The following PRPF8 variants were observed in gnomAD, a reference collection of about 807,000 sequenced individuals.
The protein encoded by PRPF8 is pre-mRNA processing factor 8.
In PRPF8, 64 loss-of-function variants were observed where a neutral mutation model predicts 285.9. That is an observed-to-expected ratio of 0.22 (90% CI 0.18 to 0.28). The LOEUF is 0.28. Among genes scored for constraint, PRPF8 ranks in the 10% least tolerant of loss-of-function variants. PRPF8 has a pLI of 1.00. For missense variants in PRPF8, 1,426 were observed against 3,026.7 expected (o/e 0.47, Z 12.41); for synonymous variants, 1,325 against 1,118.2 (o/e 1.18, Z -3.69).
At chr17:1,677,406 C>T in intron 14 of PRPF8, 159 bp downstream of exon 14, 1 of 1,172,236 alleles carries the variant, frequency 8.5e-7, no homozygotes, top group Non-Finnish European at 1.2e-6. Context: ...CAGAAGGAAG[C>T]CCAAGAAATA....
rs370376159 is a variant in PRPF8, at chr17:1,661,891, T to C, written c.4022+15A>G. Reference sequence around the variant, plus strand: ...TGAGCAATAGGGTTTAGAAATACGTTGAACCAGGCTGTACCTGAGGTCGGA... The same window carrying C: ...TGAGCAATAGGGTTTAGAAATACGTCGAACCAGGCTGTACCTGAGGTCGGA... On this transcript the variant is annotated intron_variant, in intron 25 of 42. Coordinates refer to ENST00000304992, the MANE Select transcript of PRPF8 (RefSeq NM_006445.4). This position sits in a 1 kb window ranked among gnomAD's most constrained non-coding sequence, Gnocchi z 7.3. 214 of 1,614,004 alleles carry C rather than the reference T, an allele frequency of 1.3e-4. 1 individual carries two copies. The Middle Eastern group carries it at 4.1e-3, about 31-fold the overall frequency.
Position 1,676,219 on chromosome 17 carries a change from T to C in PRPF8, c.2540A>G (p.Lys847Arg). The C allele has an allele frequency of 6.2e-7, 1 of 1,613,798 alleles. No homozygotes were observed. Among genetic ancestry groups the C allele is most frequent in the East Asian group, 2.2e-5 (1 of 44,886 alleles). Reference sequence around the variant, plus strand: ...CCCTACTACTCACCTATAAGCTTCCTTGAGCCGCTCCAATGCCAAGATGAG... The same window carrying C: ...CCCTACTACTCACCTATAAGCTTCCCTGAGCCGCTCCAATGCCAAGATGAG... The part of the protein sequence containing the change: ...KLLILALERL[K>R]EAYSVKSRLN... Residue 847 changes from lysine to arginine, a missense_variant, in exon 17 of 43, where the codon AAG (lysine) becomes AGG (arginine). Physicochemically the swap from Lys to Arg is conservative, Grantham distance 26. Coordinates refer to ENST00000304992, the MANE Select transcript of PRPF8 (RefSeq NM_006445.4). This position sits in a 1 kb window ranked among gnomAD's most constrained non-coding sequence, Gnocchi z 6.3.
intron 37 of PRPF8, chr17:1,654,373 A>G (rs1249378118): frequency 2.3e-6 from 1 of 426,740 alleles, no homozygotes; most frequent in African/African-American, 2.0e-5. Flanking sequence ...CACCCTATGG[A>G]TAATTTTGGT....
chr17:1,654,232 C>T, intron 37 of PRPF8: 1 of 681,596 alleles, frequency 1.5e-6, no homozygotes, highest in Non-Finnish European at 2.6e-6. Context: ...TGTGCACCTT[C>T]CCACTGTTTA....
intron 12 of PRPF8, 48 bp downstream of exon 12, chr17:1,678,714 T>G (rs1001717258): frequency 1.7e-5 from 27 of 1,614,074 alleles, no homozygotes; most frequent in African/African-American, 2.7e-5. Flanking sequence ...AGCACAGGCT[T>G]CCTCCAGCGT....
intron 24 of PRPF8, 140 bp downstream of exon 24, chr17:1,672,941 A>G: frequency 1.2e-6 from 1 of 817,152 alleles, no homozygotes; most frequent in Non-Finnish European, 2.2e-6. Context: ...ACTATAAGCC[A>G]CTATGGCACA....
At chr17:1,660,352 G>A in intron 30 of PRPF8, 80 bp downstream of exon 30, 1 of 1,606,238 alleles carries the variant, frequency 6.2e-7, no homozygotes. Context: ...CACCTGAGCT[G>A]ACTCTGTACA....
intron 34 of PRPF8, among the ~76,000 whole-genome samples, chr17:1,657,539 G>A (rs573222279): frequency 5.3e-5 from 8 of 151,106 alleles, no homozygotes; most frequent in South Asian, 2.1e-4. Flanking sequence ...CCAGCTACTC[G>A]GGAGGCTGAG....
rs1475396268 is a variant in PRPF8 at position 1,651,328 on chromosome 17, ACAGAGTAACAGCTCAGGC to A, written c.6651-36_6651-19del. The A allele has an allele frequency of 1.3e-5, 21 of 1,613,972 alleles. No homozygotes were observed. Among genetic ancestry groups the A allele is most frequent in the Non-Finnish European group, 1.5e-5 (18 of 1,179,998 alleles). On this transcript the variant is annotated intron_variant, in intron 41 of 42. Transcript: ENST00000304992. This position sits in a 1 kb window ranked among gnomAD's most constrained non-coding sequence, Gnocchi z 5.1. ...GCGTGAAGCTGGGGGAGGAACGAGGACAGAGTAACAGCTCAGGCCACTGTTCTGGGCCCTGGCCTGCAA... is the reference window on the plus strand; with the variant it reads ...GCGTGAAGCTGGGGGAGGAACGAGGACACTGTTCTGGGCCCTGGCCTGCAA...
chr17:1,684,362 G>T, intron 2 of PRPF8, 110 bp downstream of exon 2: 2 of 1,047,470 alleles, frequency 1.9e-6, no homozygotes, highest in South Asian at 1.3e-5. Flanking sequence ...GAAATAACAA[G>T]GGAGCTGACA....
At chr17:1,680,591 T>A (rs1912860327) in intron 8 of PRPF8, 135 bp downstream of exon 8, 16 of 808,162 alleles carry the variant, frequency 2.0e-5, no homozygotes, top group Non-Finnish European at 3.4e-5. Context: ...AATTCTCATA[T>A]TCGCTTATAG....
rs746256933 is a variant in PRPF8 at position 1,680,906 on chromosome 17, ATGT to A, written c.992+20_992+22del. ...TAAACAGCAGCCTTCTCCTTTCCAA[ATGT>A]TGTGTTCCAGGTCTCTTACCAGGTG... On this transcript the variant is annotated intron_variant, in intron 7 of 42. Transcript: ENST00000304992. The A allele has an allele frequency of 6.2e-7, 1 of 1,614,148 alleles. No homozygotes were observed. The highest frequency in any genetic ancestry group is 1.7e-5 in the Admixed American group (1 of 60,002).
rs1376411717 is a variant in PRPF8, at chr17:1,659,483, T to C, written c.5012A>G (p.Tyr1671Cys). Residue 1671 changes from tyrosine (Y) to cysteine (C), a missense_variant, in exon 32 of 43, where the codon TAT becomes TGT. Transcript: ENST00000304992. The surrounding 1 kb of genome is among the most constrained non-coding windows in gnomAD (Gnocchi z 5.1). ...GTAGCGCTCAATGTCGTGGGAATCA[T>C]AGTCCCCCCAGCGCAACTGGATGTC... ...WIDIQLRWGD[Y>C]DSHDIERYAR... 2 of 1,613,958 alleles carry C rather than the reference T, an allele frequency of 1.2e-6. No homozygotes were observed. Among genetic ancestry groups the C allele is most frequent in the East Asian group, 2.2e-5 (1 of 44,884 alleles).
At chr17:1,678,402 G>C (rs1202953494) in intron 13 of PRPF8, 116 bp downstream of exon 13, 5 of 1,344,610 alleles carry the variant, frequency 3.7e-6, no homozygotes, top group Admixed American at 3.4e-5. Flanking sequence ...AGAATTGCTT[G>C]AACTCAGGAG....
At chr17:1,668,351 ATTC>A (rs1912108114) in intron 24 of PRPF8, among the ~76,000 whole-genome samples, 4 of 132,102 alleles carry the variant, frequency 3.0e-5, no homozygotes, top group African/African-American at 5.6e-5. Flanking sequence ...GGGGTCTAGC[ATTC>A]TTTTTTTTTT....
chr17:1,659,497 C>T lies in PRPF8; in HGVS notation c.4998G>A (p.Leu1666=). 6.2e-7 allele frequency: 1 copy of T among 1,614,106 alleles called. No individual in the cohort carries two copies. Among genetic ancestry groups the T allele is most frequent in the Non-Finnish European group, 8.5e-7 (1 of 1,180,026 alleles). ...CGTGGGAATCATAGTCCCCCCAGCGCAACTGGATGTCAATCCAGTATTTCT... is the reference window on the plus strand; with the variant it reads ...CGTGGGAATCATAGTCCCCCCAGCGTAACTGGATGTCAATCCAGTATTTCT... ...TTQKYWIDIQ[L]RWGDYDSHDI... Residue 1666 remains leucine (L), a synonymous_variant, in exon 32 of 43, where the codon TTG becomes TTA. Coordinates refer to ENST00000304992, the MANE Select transcript of PRPF8 (RefSeq NM_006445.4). The surrounding 1 kb of genome is among the most constrained non-coding windows in gnomAD (Gnocchi z 5.1).
chr17:1,660,325 C>T (rs1270845738), intron 30 of PRPF8, 107 bp downstream of exon 30: 23 of 1,560,562 alleles, frequency 1.5e-5, no homozygotes, highest in Non-Finnish European at 1.8e-5. Context: ...CTGTACAGTA[C>T]CCTCTCCCCT....
intron 3 of PRPF8, among the ~76,000 whole-genome samples, 189 bp from the exon 4 acceptor site, chr17:1,682,482 T>C (rs1235170105): frequency 3.9e-5 from 6 of 152,128 alleles, no homozygotes; most frequent in Non-Finnish European, 5.9e-5. Flanking sequence ...GCACCACTCT[T>C]CTTAAACGTC....
At position 1,679,505 on chromosome 17, in the gene PRPF8, A is replaced by G. The variant is rs971059776; in HGVS notation, c.1290-95T>C. The G allele has an allele frequency of 1.8e-5, 18 of 990,600 alleles. No individual in the cohort carries two copies. Among genetic ancestry groups the G allele is most frequent in the African/African-American group, 1.4e-4 (3 of 21,334 alleles). The allele number at this position is 990,600 out of a possible 1,614,324, so 61.4% of individuals were successfully genotyped here. A position where few individuals can be genotyped will look rare whatever the true frequency, so the allele number is the denominator to read the frequency against. On this transcript the variant is annotated intron_variant, in intron 9 of 42. Transcript: ENST00000304992. The surrounding 1 kb of genome is among the most constrained non-coding windows in gnomAD (Gnocchi z 4.7). The stretch of plus-strand genomic sequence containing the variant: ...TGGGTTGTCTACCATTTTTATGGGA[A>G]AAAAAAAAAAAGAATTTAAAAAAAA...
Sources: allele counts gnomAD v4.1 joint callset (sites outside exome capture counted in the v4.1 genomes callset), GRCh38; gene constraint gnomAD v4.1.1; non-coding constraint Gnocchi (gnomAD v3.1); transcripts MANE v1.5; gene names NCBI Gene and HGNC (gene_info 2026-07-23, HGNC 2026-07-21).